The following DMRTA2 variants were observed in gnomAD, a reference collection of about 807,000 sequenced individuals.
The protein encoded by DMRTA2 is DMRT like family A2.
In DMRTA2, 10 loss-of-function variants were observed where a neutral mutation model predicts 29.7. The ratio of observed to expected loss-of-function variants is 0.34; its 90% CI spans 0.21 to 0.57. DMRTA2 has a LOEUF of 0.57. Among genes scored for constraint, DMRTA2 ranks in the 20% least tolerant of loss-of-function variants. The pLI is 0.87. For missense variants in DMRTA2, 783 were observed against 812.1 expected (o/e 0.96, Z 0.44); for synonymous variants, 469 against 402.6 (o/e 1.16, Z -1.97).
chr1:50,418,815 G>A lies in DMRTA2; in HGVS notation c.1479C>T (p.Pro493=), dbSNP rs778829437. 2 of 1,588,190 alleles carry A rather than the reference G, an allele frequency of 1.3e-6. No individual in the cohort carries two copies. Among genetic ancestry groups the A allele is most frequent in the African/African-American group, 1.4e-5 (1 of 72,064 alleles). ...CCATGGGTGGGCGGAAGCCGAGCGT[G>A]GGCACCAAGCCGGCAGTGGAGTAGG... is the stretch of plus-strand genomic sequence containing the variant. ...MAPYSTAGLV[P]TLGFRPPMDY... Residue 493 remains proline, a synonymous_variant, in exon 3 of 3, where the codon CCC becomes CCT. Transcript: ENST00000404795.
rs1401376282 is a variant in DMRTA2, at chr1:50,419,534, G to A, written c.760C>T (p.Arg254Trp). 3.2e-6 allele frequency: 5 copies of A among 1,579,046 alleles called. No individual in the cohort carries two copies. Among genetic ancestry groups the A allele is most frequent in the South Asian group, 2.3e-5 (2 of 86,404 alleles). Residue 254 changes from arginine to tryptophan, a missense_variant, in exon 3 of 3, where the codon CGG (arginine) becomes TGG (tryptophan). Physicochemically the swap from Arg to Trp is moderately radical, Grantham distance 101 (BLOSUM62 -3). This residue lies in a region of DMRTA2 where 667 missense variants were observed against 624.8 expected (regional missense o/e 1.07). Coordinates refer to ENST00000404795, the MANE Select transcript of DMRTA2 (RefSeq NM_032110.3). The surrounding 1 kb of genome is among the most constrained non-coding windows in gnomAD (Gnocchi z 6.1). ...GESFSGSPLA[R>W]ASKEAGGSCP... ...CTGCCACCTGCCTCTTTGGAGGCCC[G>A]AGCTAGGGGCGAACCAGAAAAGGAC...
chr1:50,418,599 C>G lies in DMRTA2; in HGVS notation c.*66G>C. On this transcript the variant is annotated 3_prime_UTR_variant, in exon 3 of 3. Transcript: ENST00000404795. ...GAGAGAGCGCTGGGCGAAGAGGGGT[C>G]GATGGCCCGCGGGAACAGGGCTGGG... 1 of 1,275,730 alleles carries G rather than the reference C, an allele frequency of 7.8e-7. No individual in the cohort carries two copies. Among genetic ancestry groups the G allele is most frequent in the Admixed American group, 4.0e-5 (1 of 25,240 alleles). The allele number at this position is 1,275,730 out of a possible 1,614,324, so 79.0% of individuals were successfully genotyped here.
rs368034286 is a variant in DMRTA2 at position 50,419,112 on chromosome 1, G to A, written c.1182C>T (p.Ala394=). 197,243 of 1,164,922 alleles carry A rather than the reference G, an allele frequency of 0.17. 18,474 individuals carry two copies. The highest frequency in any genetic ancestry group is 0.2 in the South Asian group (4,662 of 23,854). The allele number at this position is 1,164,922 out of a possible 1,614,324, so 72.2% of individuals were successfully genotyped here. A position where few individuals can be genotyped will look rare whatever the true frequency, so the allele number is the denominator to read the frequency against. ...PSRVDAAAAA[A]AAAGGPGLPA... ...GCAGCCCAGGCCCCCCGGCGGCGGCGGCGGCGGCGGCGGCGGCGTCGACGC... is the reference window on the plus strand; with the variant it reads ...GCAGCCCAGGCCCCCCGGCGGCGGCAGCGGCGGCGGCGGCGGCGTCGACGC... Residue 394 remains alanine, a synonymous_variant, in exon 3 of 3, where the codon GCC becomes GCT. Coordinates refer to ENST00000404795, the MANE Select transcript of DMRTA2 (RefSeq NM_032110.3). The surrounding 1 kb of genome is among the most constrained non-coding windows in gnomAD (Gnocchi z 6.1).
chr1:50,418,347 G>A lies in DMRTA2; in HGVS notation c.*318C>T. 1 of 256,098 alleles carries A rather than the reference G, an allele frequency of 3.9e-6. No homozygotes were observed. Among genetic ancestry groups the A allele is most frequent in the Non-Finnish European group, 7.4e-6 (1 of 135,730 alleles). 15.9% of individuals were successfully genotyped at this position (256,098 alleles called of 1,614,324 possible). A position where few individuals can be genotyped will look rare whatever the true frequency, so the allele number is the denominator to read the frequency against. On this transcript the variant is annotated 3_prime_UTR_variant, in exon 3 of 3. Coordinates refer to ENST00000404795, the MANE Select transcript of DMRTA2 (RefSeq NM_032110.3). ...AGGAGCCGCAGGAGCCTGCGCTGCT[G>A]TCGCAGCCTCTGAATTCTCATGAAT...
rs2982586 is a variant in DMRTA2 at position 50,418,420 on chromosome 1, G to A, written c.*245C>T. On this transcript the variant is annotated 3_prime_UTR_variant, in exon 3 of 3. Transcript: ENST00000404795. The stretch of plus-strand genomic sequence containing the variant: ...CCGGGTGAGGCTGGAAGAGGGATCC[G>A]GAGGTAGGAGATGAGGACCCAGGCC... 1.3e-3 allele frequency: 498 copies of A among 369,700 alleles called. 1 individual carries two copies. The highest frequency in any genetic ancestry group is 8.9e-3 in the African/African-American group (427 of 48,160). The allele number at this position is 369,700 out of a possible 1,614,324, so 22.9% of individuals were successfully genotyped here. A position where few individuals can be genotyped will look rare whatever the true frequency, so the allele number is the denominator to read the frequency against.
chr1:50,422,750 C>CA lies in DMRTA2; in HGVS notation c.-9+365dup, dbSNP rs1646047904. Among the ~76,000 whole-genome samples, 1 of 152,182 alleles carries CA rather than the reference C, an allele frequency of 6.6e-6. No homozygotes were observed. Among genetic ancestry groups the CA allele is most frequent in the Non-Finnish European group, 1.5e-5 (1 of 68,026 alleles). On this transcript the variant is annotated intron_variant, in intron 1 of 2. Transcript: ENST00000404795. The surrounding 1 kb of genome is among the most constrained non-coding windows in gnomAD (Gnocchi z 5.7). ...AGCGCAGGCTCCTGCGTTCTGATCT[C>CA]AGAGTTGGGGTCCTAGGACACGGAT...
At position 50,422,553 on chromosome 1, in the gene DMRTA2, C is replaced by T. The variant is rs1447170304; in HGVS notation, c.-9+563G>A. On this transcript the variant is annotated intron_variant, in intron 1 of 2. Transcript: ENST00000404795. The surrounding 1 kb of genome is among the most constrained non-coding windows in gnomAD (Gnocchi z 5.7). ...CCTGTGGTGCAGTTTTTTAGCTTCGCAGTCTGGAGTAGTAGTCGGGGCGGA... is the reference window on the plus strand; with the variant it reads ...CCTGTGGTGCAGTTTTTTAGCTTCGTAGTCTGGAGTAGTAGTCGGGGCGGA... Among the ~76,000 whole-genome samples the T allele has an allele frequency of 2.0e-5, 3 of 152,150 alleles. No individual in the cohort carries two copies. Among genetic ancestry groups the T allele is most frequent in the Non-Finnish European group, 4.4e-5 (3 of 68,020 alleles).
Position 50,420,843 on chromosome 1 carries a change from C to T in DMRTA2, c.559+135G>A. ...CCCACGCTCCATACCCGAGGCTGGGCGAGCGGTGAACCCTAGCAGTCGCGG... is the reference window on the plus strand; with the variant it reads ...CCCACGCTCCATACCCGAGGCTGGGTGAGCGGTGAACCCTAGCAGTCGCGG... On this transcript the variant is annotated intron_variant, in intron 2 of 2. Coordinates refer to ENST00000404795, the MANE Select transcript of DMRTA2 (RefSeq NM_032110.3). The surrounding 1 kb of genome is among the most constrained non-coding windows in gnomAD (Gnocchi z 4.1). 7.7e-7 allele frequency: 1 copy of T among 1,306,592 alleles called. No individual in the cohort carries two copies. Among genetic ancestry groups the T allele is most frequent in the Non-Finnish European group, 9.9e-7 (1 of 1,013,262 alleles). The allele number at this position is 1,306,592 out of a possible 1,614,324, so 80.9% of individuals were successfully genotyped here. A position where few individuals can be genotyped will look rare whatever the true frequency, so the allele number is the denominator to read the frequency against.
chr1:50,421,493 G>A lies in DMRTA2; in HGVS notation c.44C>T (p.Thr15Met), dbSNP rs1363187850. The change falls in exon 2 of 3, where the codon ACG becomes ATG. Residue 15 changes from threonine to methionine, a missense_variant. Around this residue, in one of 3 missense-constraint regions of DMRTA2, gnomAD observed 40 missense variants for 34.7 expected, o/e 1.15. Transcript: ENST00000404795. This position sits in a 1 kb window ranked among gnomAD's most constrained non-coding sequence, Gnocchi z 8.7. ...CCCCGTCGCTGTTGCCGCCGCCGCC[G>A]TCGCCGCGCCGGGCACGCTGGGCAG... ...SELPSVPGAATAAAATATGPP... is the reference protein window; with the variant it reads ...SELPSVPGAAMAAAATATGPP... 1.6e-6 allele frequency: 2 copies of A among 1,272,708 alleles called. No individual in the cohort carries two copies. Among genetic ancestry groups the A allele is most frequent in the Non-Finnish European group, 2.0e-6 (2 of 1,015,882 alleles). The allele number at this position is 1,272,708 out of a possible 1,614,324, so 78.8% of individuals were successfully genotyped here.
chr1:50,421,102 G>A lies in DMRTA2; in HGVS notation c.435C>T (p.Asn145=), dbSNP rs554554480. ...AGGCGGGCCTCGGGGGGATGATGCC[G>A]TTGGCGGCGGCCAGCGCCAGCCCCT... ...TAEGLALAAA[N]GIIPPRPAYE... Residue 145 remains asparagine, a synonymous_variant, in exon 2 of 3, where the codon AAC becomes AAT. Coordinates refer to ENST00000404795, the MANE Select transcript of DMRTA2 (RefSeq NM_032110.3). This position sits in a 1 kb window ranked among gnomAD's most constrained non-coding sequence, Gnocchi z 8.7. 194 of 1,524,298 alleles carry A rather than the reference G, an allele frequency of 1.3e-4. No homozygotes were observed. Among genetic ancestry groups the A allele is most frequent in the Middle Eastern group, 3.6e-4 (2 of 5,480 alleles). 94.4% of individuals were successfully genotyped at this position (1,524,298 alleles called of 1,614,324 possible).
Position 50,421,165 on chromosome 1 carries a change from G to T in DMRTA2, c.372C>A (p.Asn124Lys). The change falls in exon 2 of 3, where the codon AAC becomes AAA. Residue 124 changes from asparagine to lysine, a missense_variant. Asn to Lys is a moderately conservative substitution (Grantham distance 94, BLOSUM62 0). Coordinates refer to ENST00000404795, the MANE Select transcript of DMRTA2 (RefSeq NM_032110.3). The surrounding 1 kb of genome is among the most constrained non-coding windows in gnomAD (Gnocchi z 8.7). ...ALRRQQAQEE[N>K]EARELQLLYG... Reference sequence around the variant, plus strand: ...AGAGCAGCTGCAGCTCGCGCGCCTCGTTCTCCTCCTGCGCCTGCTGCCTGC... The same window carrying T: ...AGAGCAGCTGCAGCTCGCGCGCCTCTTTCTCCTCCTGCGCCTGCTGCCTGC... 1 of 1,536,048 alleles carries T rather than the reference G, an allele frequency of 6.5e-7. No individual in the cohort carries two copies. The highest frequency in any genetic ancestry group is 8.8e-7 in the Non-Finnish European group (1 of 1,142,492).
rs1301520314 is a variant in DMRTA2, at chr1:50,418,117, C to T, written c.*548G>A. 2 of 142,922 alleles carry T rather than the reference C, an allele frequency of 1.4e-5. No homozygotes were observed. Among genetic ancestry groups the T allele is most frequent in the East Asian group, 3.9e-4 (2 of 5,140 alleles). The allele number at this position is 142,922 out of a possible 1,614,324, so 8.9% of individuals were successfully genotyped here. On this transcript the variant is annotated 3_prime_UTR_variant, in exon 3 of 3. Transcript: ENST00000404795. Reference sequence around the variant, plus strand: ...AAATACCGCAACGAGGAAAGTGCACCTTAAAACTTGTTTCCTTTTTTTTTT... The same window carrying T: ...AAATACCGCAACGAGGAAAGTGCACTTTAAAACTTGTTTCCTTTTTTTTTT...
In DMRTA2 at chr1:50,422,885, C is replaced by T. The variant is rs888036035; in HGVS notation, c.-9+231G>A. Among the ~76,000 whole-genome samples, 2 of 152,224 alleles carry T rather than the reference C, an allele frequency of 1.3e-5. No individual in the cohort carries two copies. Among genetic ancestry groups the T allele is most frequent in the East Asian group, 1.9e-4 (1 of 5,180 alleles). ...CCATAAGGCCCAAGCAGGCCCAGCT[C>T]CCCGCTTCTGCCGCGGTCTCCTCTG... On this transcript the variant is annotated intron_variant, in intron 1 of 2. Transcript: ENST00000404795. The surrounding 1 kb of genome is among the most constrained non-coding windows in gnomAD (Gnocchi z 5.7).
rs938514137 is a variant in DMRTA2, at chr1:50,420,580, G to T, written c.559+398C>A. Among the ~76,000 whole-genome samples the T allele has an allele frequency of 1.3e-5, 2 of 152,146 alleles. No individual in the cohort carries two copies. The highest frequency in any genetic ancestry group is 2.4e-5 in the African/African-American group (1 of 41,420). ...AAAACCTAGGGTGTCAGTTAAAGGGGGGGGGATTCCTTAAGGGAGTTGGGA... is the reference window on the plus strand; with the variant it reads ...AAAACCTAGGGTGTCAGTTAAAGGGTGGGGGATTCCTTAAGGGAGTTGGGA... On this transcript the variant is annotated intron_variant, in intron 2 of 2. Coordinates refer to ENST00000404795, the MANE Select transcript of DMRTA2 (RefSeq NM_032110.3). The surrounding 1 kb of genome is among the most constrained non-coding windows in gnomAD (Gnocchi z 4.1).
chr1:50,419,558 A>C lies in DMRTA2; in HGVS notation c.736T>G (p.Ser246Ala). ...GSGSENGDGE[S>A]FSGSPLARAS... is the part of the protein sequence containing the mutation. ...CGAGCTAGGGGCGAACCAGAAAAGG[A>C]CTCGCCATCGCCGTTCTCCGAGCCT... is the stretch of plus-strand genomic sequence containing the variant. The change falls in exon 3 of 3, where the codon TCC (serine) becomes GCC (alanine). Residue 246 changes from serine to alanine, a missense_variant. Transcript: ENST00000404795. This position sits in a 1 kb window ranked among gnomAD's most constrained non-coding sequence, Gnocchi z 6.1. 3.2e-6 allele frequency: 5 copies of C among 1,563,072 alleles called. No homozygotes were observed. Among genetic ancestry groups the C allele is most frequent in the Non-Finnish European group, 4.3e-6 (5 of 1,156,918 alleles).
chr1:50,418,642 GGCCGGCT>G lies in DMRTA2; in HGVS notation c.*16_*22del. ...GGGCTGGGGTTCCTGTTTGGGGACC[GGCCGGCT>G]GCCAGGCCCCTCGCCCTACTGCTTC... is the stretch of plus-strand genomic sequence containing the variant. On this transcript the variant is annotated 3_prime_UTR_variant, in exon 3 of 3. Transcript: ENST00000404795. 7.3e-7 allele frequency: 1 copy of G among 1,368,018 alleles called. No homozygotes were observed. Among genetic ancestry groups the G allele is most frequent in the Non-Finnish European group, 9.5e-7 (1 of 1,057,126 alleles). The allele number at this position is 1,368,018 out of a possible 1,614,324, so 84.7% of individuals were successfully genotyped here.
chr1:50,418,636 GGGACCGGCC>G lies in DMRTA2; in HGVS notation c.*20_*28del, dbSNP rs745635551. 1.8e-5 allele frequency: 25 copies of G among 1,366,258 alleles called. No homozygotes were observed. Among genetic ancestry groups the G allele is most frequent in the Non-Finnish European group, 2.4e-5 (25 of 1,056,102 alleles). The allele number at this position is 1,366,258 out of a possible 1,614,324, so 84.6% of individuals were successfully genotyped here. A position where few individuals can be genotyped will look rare whatever the true frequency, so the allele number is the denominator to read the frequency against. ...GGAACAGGGCTGGGGTTCCTGTTTG[GGGACCGGCC>G]GGCTGCCAGGCCCCTCGCCCTACTG... On this transcript the variant is annotated 3_prime_UTR_variant, in exon 3 of 3. Transcript: ENST00000404795.
chr1:50,421,077 A>G lies in DMRTA2; in HGVS notation c.460T>C (p.Tyr154His). The G allele has an allele frequency of 2.0e-6, 3 of 1,522,062 alleles. No homozygotes were observed. The highest frequency in any genetic ancestry group is 2.6e-6 in the Non-Finnish European group (3 of 1,140,252). 94.3% of individuals were successfully genotyped at this position (1,522,062 alleles called of 1,614,324 possible). Reference sequence around the variant, plus strand: ...GCGCACACTGAACCGAAGACCTCGTAGGCGGGCCTCGGGGGGATGATGCCG... The same window carrying G: ...GCGCACACTGAACCGAAGACCTCGTGGGCGGGCCTCGGGGGGATGATGCCG... The part of the protein sequence containing the change: ...ANGIIPPRPA[Y>H]EVFGSVCAAD... Residue 154 changes from tyrosine to histidine, a missense_variant, in exon 2 of 3, where the codon TAC becomes CAC. By Grantham distance (83) the Tyr-to-His change is moderately conservative (BLOSUM62 2). This residue lies in a region of DMRTA2 where 667 missense variants were observed against 624.8 expected (regional missense o/e 1.07). Transcript: ENST00000404795. This position sits in a 1 kb window ranked among gnomAD's most constrained non-coding sequence, Gnocchi z 8.7.
rs1645997646 is a variant in DMRTA2, at chr1:50,417,913, T to A, written c.*752A>T. The A allele has an allele frequency of 6.6e-6, 1 of 152,240 alleles. No individual in the cohort carries two copies. Among genetic ancestry groups the A allele is most frequent in the East Asian group, 1.9e-4 (1 of 5,198 alleles). The allele number at this position is 152,240 out of a possible 1,614,324, so 9.4% of individuals were successfully genotyped here. A position where few individuals can be genotyped will look rare whatever the true frequency, so the allele number is the denominator to read the frequency against. ...TTTTTTTGCTTGTTTTGAATGTTTT[T>A]CACGTTAATACCGAGGTCACCTACA... On this transcript the variant is annotated 3_prime_UTR_variant, in exon 3 of 3. Coordinates refer to ENST00000404795, the MANE Select transcript of DMRTA2 (RefSeq NM_032110.3).
Sources: allele counts gnomAD v4.1 joint callset (sites outside exome capture counted in the v4.1 genomes callset), GRCh38; gene constraint gnomAD v4.1.1; regional missense constraint gnomAD v4.1.1; non-coding constraint Gnocchi (gnomAD v3.1); transcripts MANE v1.5; gene names NCBI Gene and HGNC (gene_info 2026-07-23, HGNC 2026-07-21).